Variants in ASCC3 observed in about 807,000 individuals in gnomAD.
ASCC3 encodes the protein activating signal cointegrator 1 complex subunit 3.
A neutral mutation model predicts 256.3 loss-of-function variants in ASCC3; 158 were observed. The ratio of observed to expected loss-of-function variants is 0.62; its 90% CI spans 0.54 to 0.70. ASCC3 has a LOEUF of 0.70. Ranked by LOEUF, ASCC3 falls within the 30% of genes least tolerant of loss-of-function variation. The pLI is 0.00. For missense variants in ASCC3, 2,259 were observed against 2,626.0 expected (o/e 0.86, Z 3.05); for synonymous variants, 948 against 883.4 (o/e 1.07, Z -1.30).
chr6:100,805,491 T>C (rs901843570), intron 5 of ASCC3, among the ~76,000 whole-genome samples: 1 of 152,134 alleles, frequency 6.6e-6, no homozygotes, highest in African/African-American at 2.4e-5. Flanking sequence ...CCTGCACGTG[T>C]ACCTCCTATA....
intron 8 of ASCC3, among the ~76,000 whole-genome samples, chr6:100,794,746 T>C (rs1769522025): frequency 6.6e-6 from 1 of 152,114 alleles, no homozygotes; most frequent in Admixed American, 6.6e-5. Flanking sequence ...AAATATTATA[T>C]GCATCTTTTA....
At chr6:100,821,379 G>A (rs993948640) in intron 4 of ASCC3, among the ~76,000 whole-genome samples, 4 of 149,380 alleles carry the variant, frequency 2.7e-5, no homozygotes, top group African/African-American at 9.7e-5. Flanking sequence ...ACACCTAAGA[G>A]AACTGAAATA....
chr6:100,679,574 G>A lies in ASCC3; in HGVS notation c.2286+44C>T, dbSNP rs778756335. 7.4e-6 allele frequency: 12 copies of A among 1,611,242 alleles called. No individual in the cohort carries two copies. The African/African-American group carries it at 1.5e-4, about 20-fold the overall frequency. The stretch of plus-strand genomic sequence containing the variant: ...TTCACATATAAAATACCCGGGATAT[G>A]TGGCATGTTACATGCTTTAGTTCTT... On this transcript the variant is annotated intron_variant, in intron 14 of 41. Coordinates refer to ENST00000369162, the MANE Select transcript of ASCC3 (RefSeq NM_006828.4).
At chr6:100,561,994 C>T (rs183363976) in intron 36 of ASCC3, among the ~76,000 whole-genome samples, 2 of 152,144 alleles carry the variant, frequency 1.3e-5, no homozygotes, top group Admixed American at 1.3e-4. Flanking sequence ...GAAAGCATAA[C>T]ATTTTATGTA....
chr6:100,865,946 A>G (rs1773456644), intron 2 of ASCC3, among the ~76,000 whole-genome samples: 1 of 149,898 alleles, frequency 6.7e-6, no homozygotes, highest in Non-Finnish European at 1.5e-5. Context: ...CTAGAGATAA[A>G]TAATTTCATT....
At chr6:100,807,770 T>A (rs1770261381) in intron 4 of ASCC3, among the ~76,000 whole-genome samples, 4 of 151,922 alleles carry the variant, frequency 2.6e-5, no homozygotes, top group Admixed American at 2.0e-4. Context: ...TGAGTATGTA[T>A]CTTTTTTAAT....
chr6:100,730,112 C>T (rs554805015), intron 10 of ASCC3, among the ~76,000 whole-genome samples: 2 of 151,848 alleles, frequency 1.3e-5, no homozygotes, highest in Admixed American at 1.3e-4. Flanking sequence ...TGACACCAGC[C>T]TGTGCAGTAC....
chr6:100,846,634 T>C (rs1336648516), intron 4 of ASCC3, among the ~76,000 whole-genome samples: 1 of 152,198 alleles, frequency 6.6e-6, no homozygotes, highest in East Asian at 1.9e-4. Context: ...TCTTGCATGC[T>C]TGCTGTACAG....
chr6:100,804,675 G>A (rs1181327545), intron 5 of ASCC3, among the ~76,000 whole-genome samples: 1 of 152,034 alleles, frequency 6.6e-6, no homozygotes, highest in Non-Finnish European at 1.5e-5. Flanking sequence ...AATCATCAGA[G>A]AAACACAAAT....
At chr6:100,655,335 T>C (rs2068491091) in intron 17 of ASCC3, among the ~76,000 whole-genome samples, 1 of 151,892 alleles carries the variant, frequency 6.6e-6, no homozygotes, top group South Asian at 2.1e-4. Context: ...ACAGATTGTA[T>C]ATAACCTAAG....
rs1779047080 is a variant in ASCC3 at position 100,715,475 on chromosome 6, T to C, written c.2138A>G (p.Lys713Arg). ...AAATAAGTGTACCTGGTGTCCAGCC[T>C]TTACTTGCTTCAAAACATTTTCATA... Reference protein sequence around the residue: ...VCYENVLKQVKAGHQVMVFVH... With the variant: ...VCYENVLKQVRAGHQVMVFVH... The change falls in exon 13 of 42, where the codon AAG (lysine) becomes AGG (arginine). Residue 713 changes from lysine (K) to arginine (R), a missense_variant. Lys to Arg is a conservative substitution (Grantham distance 26). Around this residue, in one of 2 missense-constraint regions of ASCC3, gnomAD observed 1,839 missense variants for 2,206.7 expected, o/e 0.83. Transcript: ENST00000369162. 6.2e-7 allele frequency: 1 copy of C among 1,610,984 alleles called. No homozygotes were observed. Among genetic ancestry groups the C allele is most frequent in the Admixed American group, 1.7e-5 (1 of 59,874 alleles).
chr6:100,650,448 G>A (rs1043800332), intron 20 of ASCC3, 90 bp downstream of exon 20: 2 of 1,293,098 alleles, frequency 1.5e-6, no homozygotes, highest in Non-Finnish European at 2.2e-6. Flanking sequence ...ATGTCACAAA[G>A]CAATGCATTC....
At chr6:100,856,577 T>C (rs1293000732) in intron 3 of ASCC3, 1 of 310,060 alleles carries the variant, frequency 3.2e-6, no homozygotes, top group Non-Finnish European at 4.7e-6. Context: ...GGTTAACTAC[T>C]TCAAGAATCA....
At chr6:100,538,168 G>C (rs1003706177) in intron 37 of ASCC3, among the ~76,000 whole-genome samples, 3 of 151,970 alleles carry the variant, frequency 2.0e-5, no homozygotes, top group African/African-American at 7.2e-5. Flanking sequence ...AATTCATCTT[G>C]CCACTTCTCT....
intron 29 of ASCC3, among the ~76,000 whole-genome samples, chr6:100,625,695 A>G (rs986225588): frequency 5.9e-5 from 9 of 152,122 alleles, no homozygotes; most frequent in African/African-American, 2.2e-4. Flanking sequence ...TGTGTTTCTC[A>G]GCTATTTGTG....
intron 10 of ASCC3, among the ~76,000 whole-genome samples, chr6:100,747,124 AACATATAGTTGC>A (rs1316129894): frequency 1.4e-5 from 2 of 140,562 alleles, no homozygotes; most frequent in Non-Finnish European, 3.1e-5. Context: ...CACCAAAGAA[AACATATAGTTGC>A]AAAAAAAAAA....
At position 100,650,791 on chromosome 6, in the gene ASCC3, C is replaced by T. The variant is rs1023839943; in HGVS notation, c.3076-77G>A. On this transcript the variant is annotated intron_variant, in intron 19 of 41. Coordinates refer to ENST00000369162, the MANE Select transcript of ASCC3 (RefSeq NM_006828.4). ...TTTCACATTGAAATTAAATACATTGCATGTTTTTAAAGAGTTTCCATTTAC... is the reference window on the plus strand; with the variant it reads ...TTTCACATTGAAATTAAATACATTGTATGTTTTTAAAGAGTTTCCATTTAC... 12 of 1,146,922 alleles carry T rather than the reference C, an allele frequency of 1.0e-5. No homozygotes were observed. The Admixed American group carries it at 2.2e-4, about 21-fold the overall frequency. The allele number at this position is 1,146,922 out of a possible 1,614,324, so 71.0% of individuals were successfully genotyped here. A position where few individuals can be genotyped will look rare whatever the true frequency, so the allele number is the denominator to read the frequency against.
intron 30 of ASCC3, among the ~76,000 whole-genome samples, chr6:100,617,782 A>G (rs990585732): frequency 6.6e-6 from 1 of 152,176 alleles, no homozygotes; most frequent in Non-Finnish European, 1.5e-5. Context: ...TACTGGCATC[A>G]CATTCTCAGT....
intron 30 of ASCC3, among the ~76,000 whole-genome samples, chr6:100,614,694 GTAA>G (rs931008226): frequency 3.9e-5 from 6 of 152,106 alleles, no homozygotes; most frequent in African/African-American, 1.2e-4. Context: ...ACTAATGAAA[GTAA>G]TAATATTATT....
Sources: allele counts gnomAD v4.1 joint callset (sites outside exome capture counted in the v4.1 genomes callset), GRCh38; gene constraint gnomAD v4.1.1; regional missense constraint gnomAD v4.1.1; transcripts MANE v1.5; gene names NCBI Gene and HGNC (gene_info 2026-07-23, HGNC 2026-07-21).